The following RBM33 variants were observed in gnomAD, a reference collection of about 807,000 sequenced individuals.
RBM33 encodes RNA binding motif protein 33.
A neutral mutation model predicts 132.6 loss-of-function variants in RBM33; 28 were observed. That is an observed-to-expected ratio of 0.21 (90% confidence interval 0.16 to 0.29). The LOEUF is 0.29. Among genes scored for constraint, RBM33 ranks in the 10% least tolerant of loss-of-function variants. The probability of loss-of-function intolerance (pLI) is 1.00; values close to 1 mark genes in which losing one functional copy is unlikely to be tolerated. For synonymous variants in RBM33, 634 were observed against 593.0 expected, an observed-to-expected ratio of 1.07 and a Z score of -1.01; for missense variants, 1,291 against 1,518.5, an observed-to-expected ratio of 0.85 and a Z score of 2.49.
At chr7:155,773,041 C>A (rs1198624627) in intron 16 of RBM33, among the ~76,000 whole-genome samples, 2 of 152,196 alleles carry the variant, frequency 1.3e-5, no homozygotes, top group Admixed American at 6.5e-5. Flanking sequence ...CTGTTTGCTT[C>A]CATTGTAGCT....
chr7:155,700,283 G>A (rs1248140865), intron 5 of RBM33, among the ~76,000 whole-genome samples: 1 of 152,206 alleles, frequency 6.6e-6, no homozygotes, highest in Non-Finnish European at 1.5e-5. Flanking sequence ...GGCTACATCA[G>A]TAGAACGGCA....
chr7:155,689,215 C>T lies in RBM33; in HGVS notation c.567+8307C>T, dbSNP rs180770775. On this transcript the variant is annotated intron_variant, in intron 5 of 17. Transcript: ENST00000401878. Reference sequence around the variant, plus strand: ...TTTAGTCTTGGGAGTGTGTATGTGTCCAGGAATTTATCCATTTCTTCTAGA... The same window carrying T: ...TTTAGTCTTGGGAGTGTGTATGTGTTCAGGAATTTATCCATTTCTTCTAGA... 1.8e-3 allele frequency among the ~76,000 whole-genome samples: 279 copies of T among 152,226 alleles called. 2 individuals are homozygous for T. The highest frequency in any genetic ancestry group is 6.4e-3 in the African/African-American group (266 of 41,532).
chr7:155,710,569 TCTC>T (rs780423700), intron 7 of RBM33, among the ~76,000 whole-genome samples: 1 of 152,180 alleles, frequency 6.6e-6, no homozygotes, highest in Admixed American at 6.5e-5. Context: ...TCTTCCCTGG[TCTC>T]CTGATTTTAC....
intron 1 of RBM33, among the ~76,000 whole-genome samples, chr7:155,663,821 G>T (rs920308541): frequency 2.6e-5 from 4 of 152,088 alleles, no homozygotes; most frequent in African/African-American, 9.7e-5. Context: ...AGAGATCTAT[G>T]CTCTGCTGTC....
chr7:155,718,429 C>T lies in RBM33; in HGVS notation c.1246C>T (p.Pro416Ser). The T allele has an allele frequency of 6.2e-7, 1 of 1,613,658 alleles. No homozygotes were observed. The highest frequency in any genetic ancestry group is 2.2e-5 in the East Asian group (1 of 44,866). Reference sequence around the variant, plus strand: ...GAGCCAGCCGAGACCTGCCGTGGGACCCCAGAGATTCCCAGTGAGTAGCAG... The same window carrying T: ...GAGCCAGCCGAGACCTGCCGTGGGATCCCAGAGATTCCCAGTGAGTAGCAG... ...VPSQPRPAVG[P>S]QRFPGPPEFP... The change falls in exon 9 of 18, where the codon CCC becomes TCC. Residue 416 changes from proline (P) to serine (S), a missense_variant. Coordinates refer to ENST00000401878, the MANE Select transcript of RBM33 (RefSeq NM_053043.3).
intron 13 of RBM33, among the ~76,000 whole-genome samples, chr7:155,744,723 A>G (rs962134192): frequency 2.0e-5 from 3 of 152,216 alleles, no homozygotes; most frequent in Non-Finnish European, 4.4e-5. Context: ...GTGGAAATTT[A>G]CATTATTTCA....
At chr7:155,715,093 C>T (rs111756559) in intron 8 of RBM33, among the ~76,000 whole-genome samples, 4 of 152,280 alleles carry the variant, frequency 2.6e-5, no homozygotes, top group African/African-American at 9.6e-5. Flanking sequence ...CATCGCTCAT[C>T]CACACATCCT....
At chr7:155,722,367 C>CTGTGT (rs1207610933) in intron 9 of RBM33, among the ~76,000 whole-genome samples, 18 of 152,158 alleles carry the variant, frequency 1.2e-4, no homozygotes, top group Admixed American at 9.2e-4. Context: ...TCACGAAACA[C>CTGTGT]TGTGTTGTGT....
chr7:155,663,231 G>C (rs887286863), intron 1 of RBM33, among the ~76,000 whole-genome samples: 1 of 146,042 alleles, frequency 6.8e-6, no homozygotes, highest in Admixed American at 6.8e-5. Context: ...TAAAGCACTT[G>C]TTCTGTTTGG....
chr7:155,730,211 G>C (rs76207188), intron 9 of RBM33, among the ~76,000 whole-genome samples: 8,268 of 152,252 alleles, frequency 0.054, 345 homozygotes, highest in South Asian at 0.14. Context: ...AGTGGAAGTG[G>C]ATTGGAGACA....
chr7:155,778,802 T>C lies in RBM33; in HGVS notation c.*3761T>C, dbSNP rs1290303501. On this transcript the variant is annotated 3_prime_UTR_variant, in exon 18 of 18. Coordinates refer to ENST00000401878, the MANE Select transcript of RBM33 (RefSeq NM_053043.3). The surrounding 1 kb of genome is among the most constrained non-coding windows in gnomAD (Gnocchi z 4.0). The stretch of plus-strand genomic sequence containing the variant: ...TGTTTTGTATTTCTTTGTTATTTTA[T>C]TGGGAAGGTAAGCGGAATGTGCTCA... 6.5e-6 allele frequency: 1 copy of C among 152,768 alleles called. No homozygotes were observed. The highest frequency in any genetic ancestry group is 1.5e-5 in the Non-Finnish European group (1 of 68,146). 9.5% of individuals were successfully genotyped at this position (152,768 alleles called of 1,614,324 possible).
rs80094268 is a variant in RBM33, at chr7:155,711,960, C to T, written c.1201+505C>T. ...TTCAAATTTGTAAGATTGAGTTTTC[C>T]TTGGCTCTTCCCCATTCATTTAGAT... On this transcript the variant is annotated intron_variant, in intron 8 of 17. Coordinates refer to ENST00000401878, the MANE Select transcript of RBM33 (RefSeq NM_053043.3). Among the ~76,000 whole-genome samples, 599 of 152,322 alleles carry T rather than the reference C, an allele frequency of 3.9e-3. 6 individuals are homozygous for T. The highest frequency in any genetic ancestry group is 0.014 in the African/African-American group (577 of 41,570).
chr7:155,711,127 A>T, intron 7 of RBM33, 76 bp from the exon 8 acceptor site: 1 of 1,426,080 alleles, frequency 7.0e-7, no homozygotes, highest in Non-Finnish European at 9.2e-7. Context: ...CATTCTTTTA[A>T]ATGTTGATTT....
At chr7:155,679,684 A>C (rs1475124326) in intron 4 of RBM33, among the ~76,000 whole-genome samples, 2 of 152,242 alleles carry the variant, frequency 1.3e-5, no homozygotes, top group African/African-American at 4.8e-5. Context: ...AAATTATTCT[A>C]CCAGTCAGAT....
Position 155,710,569 on chromosome 7 carries a change from T to A in RBM33, c.949-634T>A, listed in dbSNP as rs568129949. ...CCTTCTTTCCTGCCTTCTTCCCTGGTCTCCTGATTTTACTAAGCAGGTGGG... is the reference window on the plus strand; with the variant it reads ...CCTTCTTTCCTGCCTTCTTCCCTGGACTCCTGATTTTACTAAGCAGGTGGG... On this transcript the variant is annotated intron_variant, in intron 7 of 17. Coordinates refer to ENST00000401878, the MANE Select transcript of RBM33 (RefSeq NM_053043.3). Among the ~76,000 whole-genome samples the A allele has an allele frequency of 5.9e-5, 9 of 152,298 alleles. No individual in the cohort carries two copies. The South Asian group carries it at 6.2e-4, about 11-fold the overall frequency.
intron 1 of RBM33, among the ~76,000 whole-genome samples, chr7:155,646,884 TCAA>T (rs1798212522): frequency 6.6e-6 from 1 of 152,246 alleles, no homozygotes; most frequent in African/African-American, 2.4e-5. Context: ...TAGCATGTGT[TCAA>T]CAAACATTTG....
chr7:155,681,005 AGGGG>A, intron 5 of RBM33, 97 bp downstream of exon 5: 4 of 945,084 alleles, frequency 4.2e-6, no homozygotes, highest in Non-Finnish European at 6.2e-6. Context: ...CCTGGGAGGG[AGGGG>A]AAATTAGACC....
chr7:155,714,553 T>C (rs1462001457), intron 8 of RBM33, among the ~76,000 whole-genome samples: 1 of 152,162 alleles, frequency 6.6e-6, no homozygotes, highest in Non-Finnish European at 1.5e-5. Flanking sequence ...CTGGGGCATG[T>C]CAGCTGGTGG....
chr7:155,676,201 AG>A (rs2116916360), intron 3 of RBM33, among the ~76,000 whole-genome samples: 1 of 152,326 alleles, frequency 6.6e-6, no homozygotes, highest in African/African-American at 2.4e-5. Context: ...TCAGACTGTC[AG>A]GGACAAGTTC....
Sources: gnomAD v4.1 joint callset for allele counts (sites outside exome capture counted in the v4.1 genomes callset) on GRCh38, gnomAD v4.1.1 for gene constraint, Gnocchi (gnomAD v3.1) non-coding constraint, MANE v1.5 for transcripts, NCBI Gene and HGNC (gene_info 2026-07-23, HGNC 2026-07-21) for gene names.